Variants in GRM3 observed in about 807,000 individuals in gnomAD.
The protein encoded by GRM3 is glutamate metabotropic receptor 3, also known as metabotropic glutamate receptor 3.
GRM3 carries 26 observed loss-of-function variants against 70.5 expected under a neutral mutation model. That is an observed-to-expected ratio of 0.37 (90% CI 0.27 to 0.51). The LOEUF (loss-of-function observed/expected upper bound fraction) is 0.51, where lower values mean the gene tolerates loss of function less well. GRM3 is among the 20% of genes least tolerant of loss of function. The pLI is 0.93. For synonymous variants in GRM3, 443 were observed against 434.9 expected, an observed-to-expected ratio of 1.02 and a Z score of -0.23; for missense variants, 859 against 1,123.8, an observed-to-expected ratio of 0.76 and a Z score of 3.37.
At chr7:86,813,765 G>A (rs1797960785) in intron 3 of GRM3, among the ~76,000 whole-genome samples, 1 of 151,696 alleles carries the variant, frequency 6.6e-6, no homozygotes, top group Admixed American at 6.6e-5. Context: ...ATACGATCAT[G>A]TTAATTTTAT....
chr7:86,760,759 G>A (rs1310669805), intron 1 of GRM3, among the ~76,000 whole-genome samples: 1 of 151,876 alleles, frequency 6.6e-6, no homozygotes, highest in East Asian at 1.9e-4. Flanking sequence ...TAAAGAAAAA[G>A]TAAATAAAAA....
chr7:86,693,457 A>C (rs1335693938), intron 1 of GRM3, among the ~76,000 whole-genome samples: 1 of 152,192 alleles, frequency 6.6e-6, no homozygotes. Context: ...AGATTGCAGA[A>C]ACAAAGACAC....
intron 1 of GRM3, among the ~76,000 whole-genome samples, chr7:86,646,209 T>A (rs1336671136): frequency 6.6e-6 from 1 of 152,200 alleles, no homozygotes; most frequent in Non-Finnish European, 1.5e-5. Context: ...TGAATAAATA[T>A]GATTCTATAT....
In GRM3 at chr7:86,741,018, C is replaced by T. The variant is rs1048224765; in HGVS notation, c.-140-23988C>T. ...GTGTACATAGACCTTGGCAGTCAGG[C>T]AAAGAGAAAACCATCATCTCTCTCC... On this transcript the variant is annotated intron_variant, in intron 1 of 5. Coordinates refer to ENST00000361669, the MANE Select transcript of GRM3 (RefSeq NM_000840.3). 3.3e-4 allele frequency among the ~76,000 whole-genome samples: 50 copies of T among 152,136 alleles called. 2 individuals are homozygous for T.
At chr7:86,785,345 C>G (rs1797199003) in intron 2 of GRM3, among the ~76,000 whole-genome samples, 1 of 152,032 alleles carries the variant, frequency 6.6e-6, no homozygotes, top group Non-Finnish European at 1.5e-5. Flanking sequence ...GCATAAAATG[C>G]TCCTCAATAA....
intron 1 of GRM3, among the ~76,000 whole-genome samples, chr7:86,664,532 T>C (rs1180946711): frequency 6.6e-6 from 1 of 151,988 alleles, no homozygotes; most frequent in Non-Finnish European, 1.5e-5. Flanking sequence ...ATTCTAGACA[T>C]TGTTTATCTC....
At position 86,667,118 on chromosome 7, in the gene GRM3, A is replaced by C. The variant is rs186696405; in HGVS notation, c.-141+22246A>C. Reference sequence around the variant, plus strand: ...AAGACTTGTGGATCTTCTCTATTGCAAATATCAAAATCCCTGAAAATTATT... The same window carrying C: ...AAGACTTGTGGATCTTCTCTATTGCCAATATCAAAATCCCTGAAAATTATT... On this transcript the variant is annotated intron_variant, in intron 1 of 5. Transcript: ENST00000361669. Among the ~76,000 whole-genome samples the C allele has an allele frequency of 1.2e-3, 179 of 152,240 alleles. 2 individuals carry two copies. Among genetic ancestry groups the C allele is most frequent in the African/African-American group, 4.0e-3 (166 of 41,564 alleles).
At position 86,765,371 on chromosome 7, in the gene GRM3, A is replaced by G. The variant is rs1190224685; in HGVS notation, c.226A>G (p.Ile76Val). Reference protein sequence around the residue: ...IQRLEAMLFAIDEINKDDYLL... With the variant: ...IQRLEAMLFAVDEINKDDYLL... ...ACGCCTGGAAGCCATGTTGTTTGCT[A>G]TTGATGAAATCAACAAAGATGATTA... is the stretch of plus-strand genomic sequence containing the variant. The change falls in exon 2 of 6, where the codon ATT becomes GTT. Residue 76 changes from isoleucine to valine, a missense_variant. Ile to Val is a conservative substitution (Grantham distance 29). Coordinates refer to ENST00000361669, the MANE Select transcript of GRM3 (RefSeq NM_000840.3). 3 of 1,613,980 alleles carry G rather than the reference A, an allele frequency of 1.9e-6. No individual in the cohort carries two copies. The highest frequency in any genetic ancestry group is 2.5e-6 in the Non-Finnish European group (3 of 1,179,900).
chr7:86,832,423 T>C (rs1272227242), intron 3 of GRM3, among the ~76,000 whole-genome samples: 1 of 152,006 alleles, frequency 6.6e-6, no homozygotes, highest in Admixed American at 6.6e-5. Context: ...TAATGTTTTG[T>C]ATTTTTAGTA....
intron 1 of GRM3, among the ~76,000 whole-genome samples, chr7:86,756,481 T>G (rs78496941): frequency 0.091 from 13,809 of 152,248 alleles, 697 homozygotes; most frequent in Middle Eastern, 0.13. Flanking sequence ...ATAGTTTAAC[T>G]GGATAGAGAA....
Position 86,786,329 on chromosome 7 carries a change from T to G in GRM3, c.537T>G (p.Ser179Arg). The G allele has an allele frequency of 6.2e-7, 1 of 1,614,132 alleles. No homozygotes were observed. Among genetic ancestry groups the G allele is most frequent in the Non-Finnish European group, 8.5e-7 (1 of 1,179,992 alleles). ...ACGCATCCACCAGCGCCAAACTCAGTGATAAGTCGCGCTATGATTACTTTG... is the reference window on the plus strand; with the variant it reads ...ACGCATCCACCAGCGCCAAACTCAGGGATAAGTCGCGCTATGATTACTTTG... Reference protein sequence around the residue: ...ISYASTSAKLSDKSRYDYFAR... With the variant: ...ISYASTSAKLRDKSRYDYFAR... The change falls in exon 3 of 6, where the codon AGT becomes AGG. Residue 179 changes from serine to arginine, a missense_variant. Transcript: ENST00000361669. The surrounding 1 kb of genome is among the most constrained non-coding windows in gnomAD (Gnocchi z 6.0).
At chr7:86,739,009 ACTCT>A (rs1726950603) in intron 1 of GRM3, among the ~76,000 whole-genome samples, 1 of 151,732 alleles carries the variant, frequency 6.6e-6, no homozygotes. Context: ...AATCTCACTC[ACTCT>A]GTCACCCAGG....
intron 3 of GRM3, among the ~76,000 whole-genome samples, chr7:86,825,311 A>G (rs942645425): frequency 2.0e-5 from 3 of 152,250 alleles, no homozygotes; most frequent in South Asian, 2.1e-4. Flanking sequence ...TGTCACCTCA[A>G]TTATTTCCAG....
chr7:86,864,362 A>C lies in GRM3; in HGVS notation c.*7A>C. The C allele has an allele frequency of 6.2e-7, 1 of 1,604,602 alleles. No individual in the cohort carries two copies. Among genetic ancestry groups the C allele is most frequent in the Non-Finnish European group, 8.5e-7 (1 of 1,171,454 alleles). The stretch of plus-strand genomic sequence containing the variant: ...CACCACCTCATCTCTGTGATTGTGA[A>C]TTGCAGTTCAGTTCTTGTGTTTTTA... On this transcript the variant is annotated 3_prime_UTR_variant, in exon 6 of 6. Transcript: ENST00000361669.
At chr7:86,858,968 C>A (rs1397076207) in intron 5 of GRM3, among the ~76,000 whole-genome samples, 1 of 151,916 alleles carries the variant, frequency 6.6e-6, no homozygotes, top group African/African-American at 2.4e-5. Flanking sequence ...TGTATTTTTT[C>A]TTTTTTCTTG....
rs148614850 is a variant in GRM3 at position 86,699,256 on chromosome 7, C to T, written c.-141+54384C>T. Among the ~76,000 whole-genome samples the T allele has an allele frequency of 1.9e-4, 29 of 152,074 alleles. 1 individual carries two copies. Among genetic ancestry groups the T allele is most frequent in the African/African-American group, 6.7e-4 (28 of 41,510 alleles). The stretch of plus-strand genomic sequence containing the variant: ...TTTGAATAGCAGAGGTTAACACCTA[C>T]CAGCTTATGTAGGAAATTAGAAACA... On this transcript the variant is annotated intron_variant, in intron 1 of 5. Transcript: ENST00000361669.
intron 3 of GRM3, among the ~76,000 whole-genome samples, chr7:86,830,417 G>A (rs1006605915): frequency 7.9e-5 from 12 of 152,156 alleles, no homozygotes; most frequent in Middle Eastern, 3.4e-3. Context: ...AATCAACTAC[G>A]TGAATTCAAA....
chr7:86,705,240 C>G (rs751349900), intron 1 of GRM3, among the ~76,000 whole-genome samples: 24 of 151,922 alleles, frequency 1.6e-4, no homozygotes, highest in Non-Finnish European at 3.4e-4. Flanking sequence ...AAATTACCTG[C>G]CTTTTTCCTT....
chr7:86,789,484 G>A (rs533753134), intron 3 of GRM3, among the ~76,000 whole-genome samples: 1 of 152,278 alleles, frequency 6.6e-6, no homozygotes, highest in Non-Finnish European at 1.5e-5. Context: ...CATTATTACT[G>A]CTTTAAGCTT....
Sources: allele counts gnomAD v4.1 joint callset (sites outside exome capture counted in the v4.1 genomes callset), GRCh38; gene constraint gnomAD v4.1.1; non-coding constraint Gnocchi (gnomAD v3.1); transcripts MANE v1.5; gene names NCBI Gene and HGNC (gene_info 2026-07-23, HGNC 2026-07-21).